The following XIRP2 variants were observed in gnomAD, a reference collection of about 807,000 sequenced individuals.
The protein encoded by XIRP2 is xin actin-binding repeat-containing protein 2.
A neutral mutation model predicts 277.0 loss-of-function variants in XIRP2; 236 were observed. The observed-to-expected ratio is 0.85, with a 90% CI of 0.77 to 0.95. The LOEUF is 0.95. Ranked by LOEUF, XIRP2 falls within the 40% of genes least tolerant of loss-of-function variation. The probability of loss-of-function intolerance (pLI) is 0.00; values close to 1 mark genes in which losing one functional copy is unlikely to be tolerated. For synonymous variants in XIRP2, 1,490 were observed against 1,416.5 expected (o/e 1.05, Z -1.17); for missense variants, 4,640 against 4,157.5 (o/e 1.12, Z -3.19).
chr2:167,255,851 TTGTC>T (rs1051238347), intron 10 of XIRP2, among the ~76,000 whole-genome samples: 7 of 151,904 alleles, frequency 4.6e-5, no homozygotes, highest in Non-Finnish European at 8.8e-5. Flanking sequence ...TGATAACAAT[TTGTC>T]TGTGACCTTT....
intron 4 of XIRP2, among the ~76,000 whole-genome samples, chr2:167,217,766 T>A (rs1694297793): frequency 6.6e-6 from 1 of 152,146 alleles, no homozygotes; most frequent in African/African-American, 2.4e-5. Flanking sequence ...TAATAATGTG[T>A]TCCCTATATA....
rs755619797 is a variant in XIRP2 at position 167,250,996 on chromosome 2, G to A, written c.9604G>A (p.Ala3202Thr). Residue 3202 changes from alanine (A) to threonine (T), a missense_variant, in exon 9 of 11, where the codon GCA (alanine) becomes ACA (threonine). Coordinates refer to ENST00000409195, the MANE Select transcript of XIRP2 (RefSeq NM_152381.6). ...CAAAGGGGCCATCCCATGTCCAGCA[G>A]CAACCCCGGTTCCAATTGTAGAGAA... is the stretch of plus-strand genomic sequence containing the variant. Reference protein sequence around the residue: ...LSKGAIPCPAATPVPIVEKRS... With the variant: ...LSKGAIPCPATTPVPIVEKRS... 1 of 1,613,638 alleles carries A rather than the reference G, an allele frequency of 6.2e-7. No individual in the cohort carries two copies. The highest frequency in any genetic ancestry group is 8.5e-7 in the Non-Finnish European group (1 of 1,179,746).
intron 2 of XIRP2, among the ~76,000 whole-genome samples, chr2:166,956,613 A>G (rs1299269561): frequency 6.6e-6 from 1 of 151,876 alleles, no homozygotes; most frequent in African/African-American, 2.4e-5. Context: ...AAAAAAGTCC[A>G]GGGTTGCTAG....
At chr2:166,961,854 T>G (rs1413254371) in intron 2 of XIRP2, among the ~76,000 whole-genome samples, 1 of 151,778 alleles carries the variant, frequency 6.6e-6, no homozygotes. Context: ...AATGTGGTTA[T>G]GGAACACATT....
chr2:167,041,266 G>A lies in XIRP2; in HGVS notation c.409-94643G>A, dbSNP rs187067342. ...AACCCTGGAAATTGTAAAACCTAGAGTATCTTCTTACCTCCAAGTGGCCAC... is the reference window on the plus strand; with the variant it reads ...AACCCTGGAAATTGTAAAACCTAGAATATCTTCTTACCTCCAAGTGGCCAC... On this transcript the variant is annotated intron_variant, in intron 2 of 10. Coordinates refer to ENST00000409195, the MANE Select transcript of XIRP2 (RefSeq NM_152381.6). 4.7e-4 allele frequency among the ~76,000 whole-genome samples: 72 copies of A among 152,264 alleles called. 2 individuals carry two copies. The highest frequency in any genetic ancestry group is 3.4e-3 in the Middle Eastern group (1 of 294).
At chr2:167,025,731 G>C (rs1262025367) in intron 2 of XIRP2, among the ~76,000 whole-genome samples, 2 of 152,118 alleles carry the variant, frequency 1.3e-5, no homozygotes, top group Admixed American at 1.3e-4. Flanking sequence ...TCATTCAGGA[G>C]CAGGTTGTTC....
rs1240249905 is a variant in XIRP2, at chr2:167,251,457, T to C, written c.10065T>C (p.Tyr3355=). 2.5e-6 allele frequency: 4 copies of C among 1,613,640 alleles called. No homozygotes were observed. The highest frequency in any genetic ancestry group is 2.2e-5 in the East Asian group (1 of 44,842). ...VSEAKSNRRV[Y]AKGETNHNIQ... is the part of the protein sequence containing the mutation. The stretch of plus-strand genomic sequence containing the variant: ...AAGCAAAGTCAAATAGAAGAGTTTA[T>C]GCAAAGGGAGAAACAAACCATAACA... Residue 3355 remains tyrosine, a synonymous_variant, in exon 9 of 11, where the codon TAT becomes TAC. Coordinates refer to ENST00000409195, the MANE Select transcript of XIRP2 (RefSeq NM_152381.6).
intron 2 of XIRP2, among the ~76,000 whole-genome samples, chr2:166,912,386 C>G (rs145102470): frequency 0.076 from 11,541 of 152,238 alleles, 1,018 homozygotes; most frequent in East Asian, 0.49. Context: ...ACCCTTTCTT[C>G]TAGTTGATCG....
rs550220733 is a variant in XIRP2, at chr2:167,111,653, C to T, written c.409-24256C>T. Among the ~76,000 whole-genome samples, 509 of 132,570 alleles carry T rather than the reference C, an allele frequency of 3.8e-3. 4 individuals carry two copies. Among genetic ancestry groups the T allele is most frequent in the Middle Eastern group, 0.018 (5 of 276 alleles). 87.0% of individuals were successfully genotyped at this position (132,570 alleles called of 152,430 possible). A position where few individuals can be genotyped will look rare whatever the true frequency, so the allele number is the denominator to read the frequency against. On this transcript the variant is annotated intron_variant, in intron 2 of 10. Transcript: ENST00000409195. ...TTTTCTTTTTTTCTTATTTCTCTGC[C>T]AGCTTTTGGTTATCATGATGCTGCT... is the stretch of plus-strand genomic sequence containing the variant.
intron 3 of XIRP2, among the ~76,000 whole-genome samples, chr2:167,155,414 C>T (rs1459782048): frequency 6.6e-6 from 1 of 151,620 alleles, no homozygotes; most frequent in African/African-American, 2.4e-5. Context: ...AAGTGGGCTT[C>T]ATCCCTGGGA....
rs777162667 is a variant in XIRP2, at chr2:167,259,035, G to T, written c.*1218G>T. The T allele has an allele frequency of 1.2e-6, 2 of 1,609,480 alleles. No homozygotes were observed. Among genetic ancestry groups the T allele is most frequent in the South Asian group, 2.2e-5 (2 of 90,762 alleles). Reference sequence around the variant, plus strand: ...AACATTAAAGGAAGCCATTCAAAGAGCAAAAATTTACACTTTTTCTTTTCT... The same window carrying T: ...AACATTAAAGGAAGCCATTCAAAGATCAAAAATTTACACTTTTTCTTTTCT... On this transcript the variant is annotated 3_prime_UTR_variant, in exon 11 of 11. Coordinates refer to ENST00000409195, the MANE Select transcript of XIRP2 (RefSeq NM_152381.6).
intron 3 of XIRP2, among the ~76,000 whole-genome samples, chr2:167,154,614 C>G (rs1176456939): frequency 6.6e-6 from 1 of 152,076 alleles, no homozygotes; most frequent in African/African-American, 2.4e-5. Context: ...CCAGTTTCAG[C>G]TTTCTACATA....
At chr2:167,005,437 G>A (rs1687480642) in intron 2 of XIRP2, among the ~76,000 whole-genome samples, 1 of 151,840 alleles carries the variant, frequency 6.6e-6, no homozygotes, top group Non-Finnish European at 1.5e-5. Context: ...AAGAAACTAA[G>A]ATGTAAAGGG....
intron 2 of XIRP2, among the ~76,000 whole-genome samples, chr2:167,061,983 C>T (rs1689184185): frequency 6.6e-6 from 1 of 152,148 alleles, no homozygotes; most frequent in South Asian, 2.1e-4. Context: ...TTTTGATAAA[C>T]ATATATTGAA....
At chr2:166,941,024 C>T (rs1685695115) in intron 2 of XIRP2, among the ~76,000 whole-genome samples, 1 of 152,220 alleles carries the variant, frequency 6.6e-6, no homozygotes, top group African/African-American at 2.4e-5. Flanking sequence ...TTTTGCTTGG[C>T]TCTGCCTTGC....
At chr2:167,032,994 C>T (rs1488772739) in intron 2 of XIRP2, among the ~76,000 whole-genome samples, 1 of 152,132 alleles carries the variant, frequency 6.6e-6, no homozygotes, top group Non-Finnish European at 1.5e-5. Context: ...CACATGCACA[C>T]ATGTGTTTAC....
intron 2 of XIRP2, among the ~76,000 whole-genome samples, chr2:167,029,635 G>A (rs933797418): frequency 1.3e-5 from 2 of 151,926 alleles, no homozygotes; most frequent in Non-Finnish European, 2.9e-5. Context: ...TTTTTGCATC[G>A]ACGTTCATCA....
At chr2:167,185,395 A>G (rs1173561149) in intron 3 of XIRP2, among the ~76,000 whole-genome samples, 1 of 152,106 alleles carries the variant, frequency 6.6e-6, no homozygotes, top group Admixed American at 6.6e-5. Context: ...AAAAGTGAAA[A>G]AATAATATTT....
chr2:167,173,740 A>G (rs943262290), intron 3 of XIRP2, among the ~76,000 whole-genome samples: 1 of 152,154 alleles, frequency 6.6e-6, no homozygotes, highest in East Asian at 1.9e-4. Context: ...TAATTTACAT[A>G]TTTACTTACA....
Sources: allele counts gnomAD v4.1 joint callset (sites outside exome capture counted in the v4.1 genomes callset), GRCh38; gene constraint gnomAD v4.1.1; transcripts MANE v1.5; gene names NCBI Gene and HGNC (gene_info 2026-07-23, HGNC 2026-07-21).